The following AGMO variants were observed in gnomAD, a reference collection of about 807,000 sequenced individuals.
AGMO encodes alkylglycerol monooxygenase.
A neutral mutation model predicts 60.2 loss-of-function variants in AGMO; 75 were observed. The ratio of observed to expected loss-of-function variants is 1.25; its 90% CI spans 1.03 to 1.51. The LOEUF is 1.51. Among genes scored for constraint, AGMO ranks in the 40% most tolerant of loss-of-function variants. The pLI, the probability that AGMO is intolerant of heterozygous loss-of-function variation, is 0.00. For synonymous variants in AGMO, 261 were observed against 177.1 expected, an observed-to-expected ratio of 1.47 and a Z score of -3.76; for missense variants, 763 against 525.5, an observed-to-expected ratio of 1.45 and a Z score of -4.42.
At chr7:15,136,081 C>T in the AGMO span, among the ~76,000 whole-genome samples, 2 of 146,976 alleles carry the variant, frequency 1.4e-5, no homozygotes, top group East Asian at 4.1e-4. Context: ...GCAACCTCTG[C>T]CTCCTGGGTT....
At chr7:15,286,375 GA>G (rs1020796152) in intron 12 of AGMO, among the ~76,000 whole-genome samples, 1 of 150,300 alleles carries the variant, frequency 6.7e-6, no homozygotes, top group East Asian at 1.9e-4. Context: ...AAATCAGCAG[GA>G]AAAAAAACAA....
intron 3 of AGMO, among the ~76,000 whole-genome samples, chr7:15,433,037 A>G (rs1372541770): frequency 6.6e-6 from 1 of 152,092 alleles, no homozygotes; most frequent in Non-Finnish European, 1.5e-5. Flanking sequence ...TGAACATTTT[A>G]TAACTTATGA....
chr7:15,521,239 T>C (rs778833056), intron 3 of AGMO, among the ~76,000 whole-genome samples: 1 of 152,116 alleles, frequency 6.6e-6, no homozygotes. Flanking sequence ...CAGGACCAGA[T>C]GGATTCACAG....
chr7:15,473,374 G>T (rs74465942), intron 3 of AGMO, among the ~76,000 whole-genome samples: 1 of 151,912 alleles, frequency 6.6e-6, no homozygotes, highest in Non-Finnish European at 1.5e-5. Context: ...TAGAAGAAAA[G>T]GGACTCCTCC....
At chr7:15,286,762 A>G (rs1784111702) in intron 12 of AGMO, among the ~76,000 whole-genome samples, 1 of 152,196 alleles carries the variant, frequency 6.6e-6, no homozygotes, top group African/African-American at 2.4e-5. Flanking sequence ...TATCAAAAAG[A>G]CATCTGCATA....
intron 10 of AGMO, among the ~76,000 whole-genome samples, chr7:15,382,266 C>A (rs954339137): frequency 6.6e-6 from 1 of 152,138 alleles, no homozygotes; most frequent in African/African-American, 2.4e-5. Flanking sequence ...ACATTGCATA[C>A]ACAATTGGAT....
intron 12 of AGMO, among the ~76,000 whole-genome samples, chr7:15,317,936 TATATAC>T (rs1268908723): frequency 6.9e-6 from 1 of 144,418 alleles, no homozygotes; most frequent in Non-Finnish European, 1.5e-5. Flanking sequence ...CGTATATATA[TATATAC>T]ACACACACAC....
chr7:15,395,375 T>A (rs1024001606), intron 5 of AGMO, among the ~76,000 whole-genome samples: 10 of 152,164 alleles, frequency 6.6e-5, no homozygotes, highest in African/African-American at 2.4e-4. Context: ...CATAACTAAA[T>A]TTAAGGTGTG....
chr7:15,505,062 A>G (rs1313880104), intron 3 of AGMO, among the ~76,000 whole-genome samples: 1 of 151,902 alleles, frequency 6.6e-6, no homozygotes, highest in Non-Finnish European at 1.5e-5. Flanking sequence ...ACTATTATGT[A>G]CAGCATTAAA....
intron 12 of AGMO, among the ~76,000 whole-genome samples, chr7:15,328,699 T>C (rs775252170): frequency 6.6e-6 from 1 of 152,162 alleles, no homozygotes; most frequent in Non-Finnish European, 1.5e-5. Context: ...GAATGTGAAA[T>C]TTCAGTGAGC....
In AGMO at chr7:15,439,500, G is replaced by C. The variant is rs190757420; in HGVS notation, c.410-8392C>G. On this transcript the variant is annotated intron_variant, in intron 3 of 12. Transcript: ENST00000342526. ...TTCTTCACTTTGTACTCTGCCCCTTGCCTTTGGGCAGTTGTGTTTAACAAA... is the reference window on the plus strand; with the variant it reads ...TTCTTCACTTTGTACTCTGCCCCTTCCCTTTGGGCAGTTGTGTTTAACAAA... Among the ~76,000 whole-genome samples, 110 of 152,202 alleles carry C rather than the reference G, an allele frequency of 7.2e-4. No homozygotes were observed. In the East Asian group the frequency reaches 0.016, roughly 22 times the overall value.
intron 3 of AGMO, among the ~76,000 whole-genome samples, chr7:15,468,654 C>CA (rs1435804174): frequency 6.6e-6 from 1 of 151,892 alleles, no homozygotes; most frequent in African/African-American, 2.4e-5. Flanking sequence ...TATGTATTCG[C>CA]ATATTACATA....
intron 12 of AGMO, among the ~76,000 whole-genome samples, chr7:15,261,461 G>GT (rs1783269222): frequency 6.6e-6 from 1 of 151,966 alleles, no homozygotes; most frequent in South Asian, 2.1e-4. Context: ...GGAAGATATA[G>GT]TATCTCTGAA....
At position 15,346,617 on chromosome 7, in the gene AGMO, TA is replaced by T. The variant is rs11417689; in HGVS notation, c.1263+18896del. Among the ~76,000 whole-genome samples, 418 of 145,678 alleles carry T rather than the reference TA, an allele frequency of 2.9e-3. 1 individual carries two copies. The highest frequency in any genetic ancestry group is 5.2e-3 in the African/African-American group (207 of 40,026). ...TTTTTGTATCATAAATCTTAAAAAG[TA>T]AAAAAAAAAAATACCATAAAGAAGT... On this transcript the variant is annotated intron_variant, in intron 12 of 12. Coordinates refer to ENST00000342526, the MANE Select transcript of AGMO (RefSeq NM_001004320.2).
chr7:15,556,026 G>A (rs1030679620), intron 2 of AGMO, among the ~76,000 whole-genome samples: 1 of 151,746 alleles, frequency 6.6e-6, no homozygotes, highest in African/African-American at 2.4e-5. Context: ...TTTGGACAAT[G>A]AATTGCTGCT....
chr7:15,323,557 C>A (rs1781247805), intron 12 of AGMO, among the ~76,000 whole-genome samples: 1 of 152,080 alleles, frequency 6.6e-6, no homozygotes, highest in South Asian at 2.1e-4. Flanking sequence ...CAGAAGACTG[C>A]TAAAATTTTA....
chr7:15,354,421 TACACAC>T (rs59936302), intron 12 of AGMO, among the ~76,000 whole-genome samples: 497 of 14,732 alleles, frequency 0.034, 34 homozygotes, highest in South Asian at 0.045. Context: ...CGTGTGTGTA[TACACAC>T]ACGTGTGTGT....
chr7:15,321,663 A>G (rs572535888), intron 12 of AGMO, among the ~76,000 whole-genome samples: 4 of 152,288 alleles, frequency 2.6e-5, no homozygotes, highest in Admixed American at 2.6e-4. Flanking sequence ...TATGATGTCT[A>G]CATCTAGAAG....
chr7:15,388,089 G>A lies in AGMO; in HGVS notation c.823-549C>T, dbSNP rs183167076. 5.2e-3 allele frequency among the ~76,000 whole-genome samples: 788 copies of A among 152,004 alleles called. 5 individuals carry two copies. Among genetic ancestry groups the A allele is most frequent in the African/African-American group, 0.018 (746 of 41,432 alleles). The stretch of plus-strand genomic sequence containing the variant: ...TGCCAGGCTAATTTTTGTAGTTTTA[G>A]TGGCGACAGGGTTTCTGTTTTGGCT... On this transcript the variant is annotated intron_variant, in intron 8 of 12. Transcript: ENST00000342526.
Sources: allele counts gnomAD v4.1 joint callset (sites outside exome capture counted in the v4.1 genomes callset), GRCh38; gene constraint gnomAD v4.1.1; transcripts MANE v1.5; gene names NCBI Gene and HGNC (gene_info 2026-07-23, HGNC 2026-07-21).